Variants in GFRA2 observed in about 807,000 individuals in gnomAD.
The protein encoded by GFRA2 is GDNF family receptor alpha-2.
GFRA2 carries 17 observed loss-of-function variants against 48.3 expected under a neutral mutation model. The observed-to-expected ratio is 0.35, with a 90% CI of 0.24 to 0.53. GFRA2 has a LOEUF of 0.53. Among genes scored for constraint, GFRA2 ranks in the 20% least tolerant of loss-of-function variants. GFRA2 has a pLI of 0.93. For synonymous variants in GFRA2, 305 were observed against 257.2 expected (o/e 1.19, Z -1.78); for missense variants, 660 against 637.3 (o/e 1.04, Z -0.38).
chr8:21,693,340 T>C lies in GFRA2; in HGVS notation c.1333A>G (p.Arg445Gly), dbSNP rs987874366. Residue 445 changes from arginine (R) to glycine (G), a missense_variant, in exon 9 of 9, where the codon AGA becomes GGA. Physicochemically the swap from Arg to Gly is moderately radical, Grantham distance 125. Coordinates refer to ENST00000524240, the MANE Select transcript of GFRA2 (RefSeq NM_001495.5). Reference sequence around the variant, plus strand: ...GTCAAGGCAGCCGACGGTCTGGCTCTGCTGGGGCCTGAGTTAGGTTTGATC... The same window carrying C: ...GTCAAGGCAGCCGACGGTCTGGCTCCGCTGGGGCCTGAGTTAGGTTTGATC... ...KVIKPNSGPS[R>G]ARPSAALTVL... The C allele has an allele frequency of 1.9e-6, 3 of 1,613,460 alleles. No homozygotes were observed. The highest frequency in any genetic ancestry group is 2.5e-6 in the Non-Finnish European group (3 of 1,179,706).
intron 5 of GFRA2, 24 bp from the exon 6 acceptor site, chr8:21,705,149 A>T: frequency 6.3e-7 from 1 of 1,597,598 alleles, no homozygotes; most frequent in South Asian, 1.1e-5. Context: ...AAGGTGGGGG[A>T]GAGGAGAGAG....
At chr8:21,704,226 C>T (rs553544694) in intron 6 of GFRA2, among the ~76,000 whole-genome samples, 62 of 152,240 alleles carry the variant, frequency 4.1e-4, no homozygotes, top group Non-Finnish European at 6.9e-4. Context: ...GCCCAGCTAA[C>T]CATCCACAGA....
At chr8:21,712,339 C>T (rs1344907244) in intron 4 of GFRA2, among the ~76,000 whole-genome samples, 4 of 151,318 alleles carry the variant, frequency 2.6e-5, no homozygotes, top group East Asian at 1.9e-4. Context: ...GGGTCGCGGC[C>T]GGGCAGAGGC....
rs548285652 is a variant in GFRA2 at position 21,712,387 on chromosome 8, G to A, written c.795-6346C>T. ...CCAGACGGGGCGGCGGGGCAGAGGC[G>A]CTCCCCACATCTCAGACGATGGGCG... On this transcript the variant is annotated intron_variant, in intron 4 of 8. Coordinates refer to ENST00000524240, the MANE Select transcript of GFRA2 (RefSeq NM_001495.5). Among the ~76,000 whole-genome samples the A allele has an allele frequency of 9.2e-5, 14 of 151,570 alleles. No individual in the cohort carries two copies. In the South Asian group the frequency reaches 1.9e-3, roughly 20 times the overall value.
chr8:21,777,196 C>T (rs1806748154), intron 2 of GFRA2, among the ~76,000 whole-genome samples: 2 of 152,220 alleles, frequency 1.3e-5, no homozygotes, highest in African/African-American at 4.8e-5. Context: ...AGCCCAAGTG[C>T]TTCACTGCTG....
At chr8:21,711,395 G>A (rs1297853636) in intron 4 of GFRA2, among the ~76,000 whole-genome samples, 1 of 152,184 alleles carries the variant, frequency 6.6e-6, no homozygotes, top group Non-Finnish European at 1.5e-5. Flanking sequence ...GTCCATCTCG[G>A]CTGAGACCAA....
intron 4 of GFRA2, among the ~76,000 whole-genome samples, chr8:21,710,949 C>A (rs887039684): frequency 1.3e-5 from 2 of 152,196 alleles, no homozygotes; most frequent in Admixed American, 6.5e-5. Flanking sequence ...TTTCTCTCTG[C>A]CCCTCCACGT....
chr8:21,788,455 G>C lies in GFRA2; in HGVS notation c.-296C>G. 8.7e-7 allele frequency: 1 copy of C among 1,149,372 alleles called. No individual in the cohort carries two copies. The highest frequency in any genetic ancestry group is 1.1e-6 in the Non-Finnish European group (1 of 935,964). The allele number at this position is 1,149,372 out of a possible 1,614,324, so 71.2% of individuals were successfully genotyped here. The stretch of plus-strand genomic sequence containing the variant: ...TCTAAGCCAACAGCCCAGTCCTGGG[G>C]TCAGCCCTCCCCTCCAATCGTCCGG... On this transcript the variant is annotated 5_prime_UTR_variant, in exon 1 of 9. Coordinates refer to ENST00000524240, the MANE Select transcript of GFRA2 (RefSeq NM_001495.5).
rs540817695 is a variant in GFRA2 at position 21,706,662 on chromosome 8, C to T, written c.795-621G>A. Among the ~76,000 whole-genome samples, 3 of 152,284 alleles carry T rather than the reference C, an allele frequency of 2.0e-5. No individual in the cohort carries two copies. The East Asian group carries it at 5.8e-4, about 30-fold the overall frequency. Reference sequence around the variant, plus strand: ...CATCCCTCCACCCCTACCCTAGTCCCACCAGGCAGAAGCGGCCTTCCCTTC... The same window carrying T: ...CATCCCTCCACCCCTACCCTAGTCCTACCAGGCAGAAGCGGCCTTCCCTTC... On this transcript the variant is annotated intron_variant, in intron 4 of 8. Transcript: ENST00000524240.
At chr8:21,751,271 T>C (rs1805281028) in intron 3 of GFRA2, among the ~76,000 whole-genome samples, 1 of 152,106 alleles carries the variant, frequency 6.6e-6, no homozygotes, top group Non-Finnish European at 1.5e-5. Context: ...TATGGCCCTG[T>C]TTACAAATAT....
chr8:21,706,074 C>A, intron 4 of GFRA2, 33 bp from the exon 5 acceptor site: 1 of 1,382,082 alleles, frequency 7.2e-7, no homozygotes, highest in Non-Finnish European at 1.0e-6. Context: ...ATAGAGAAAA[C>A]AGGGGTTCAG....
In GFRA2 at chr8:21,755,067, G is replaced by A. The variant is rs1268925455; in HGVS notation, c.440-4125C>T. Among the ~76,000 whole-genome samples, 6 of 152,082 alleles carry A rather than the reference G, an allele frequency of 3.9e-5. No homozygotes were observed. In the South Asian group the frequency reaches 8.3e-4, roughly 21 times the overall value. On this transcript the variant is annotated intron_variant, in intron 3 of 8. Transcript: ENST00000524240. ...TGGCTGCCAGGAGTCAGTGGGGAGT[G>A]GGGGAGGAAGACGCAGAGCATGGAG...
At chr8:21,785,366 C>G (rs1668582646) in intron 1 of GFRA2, among the ~76,000 whole-genome samples, 1 of 152,182 alleles carries the variant, frequency 6.6e-6, no homozygotes, top group Non-Finnish European at 1.5e-5. Flanking sequence ...ACCAAACCAT[C>G]CTTGACTCTT....
At position 21,758,951 on chromosome 8, in the gene GFRA2, C is replaced by T. The variant is rs143832186; in HGVS notation, c.440-8009G>A. Among the ~76,000 whole-genome samples the T allele has an allele frequency of 3.5e-3, 529 of 152,292 alleles. 2 individuals carry two copies. The highest frequency in any genetic ancestry group is 0.012 in the African/African-American group (515 of 41,558). ...ACCTCTCCAGGAGCAGAACCGGAGT[C>T]CCTGCATTAGTAGCCAGTCAACAAA... On this transcript the variant is annotated intron_variant, in intron 3 of 8. Transcript: ENST00000524240.
chr8:21,692,265 T>C lies in GFRA2; in HGVS notation c.*1013A>G, dbSNP rs1801911234. The C allele has an allele frequency of 6.6e-6, 1 of 152,136 alleles. No individual in the cohort carries two copies. The highest frequency in any genetic ancestry group is 2.4e-5 in the African/African-American group (1 of 41,350). 9.4% of individuals were successfully genotyped at this position (152,136 alleles called of 1,614,324 possible). On this transcript the variant is annotated 3_prime_UTR_variant, in exon 9 of 9. Transcript: ENST00000524240. ...GAAAGGGGAAACCACACAATATATG[T>C]ATATGGATGTGTATATACATATATG...
At chr8:21,763,168 C>G (rs1186821943) in intron 3 of GFRA2, among the ~76,000 whole-genome samples, 2 of 152,116 alleles carry the variant, frequency 1.3e-5, no homozygotes, top group African/African-American at 4.8e-5. Context: ...CCATGAAAAC[C>G]ATTAAATGTG....
intron 4 of GFRA2, among the ~76,000 whole-genome samples, chr8:21,727,533 T>C (rs1202262392): frequency 1.3e-5 from 2 of 152,068 alleles, no homozygotes; most frequent in Non-Finnish European, 2.9e-5. Context: ...CACCTCCCCA[T>C]CACGGCCCCC....
chr8:21,737,240 G>T (rs750007456), intron 4 of GFRA2, among the ~76,000 whole-genome samples: 1 of 152,016 alleles, frequency 6.6e-6, no homozygotes, highest in East Asian at 1.9e-4. Flanking sequence ...TTGGTAGCGC[G>T]TGCCTATAGT....
At chr8:21,725,395 T>A (rs73669528) in intron 4 of GFRA2, among the ~76,000 whole-genome samples, 247 of 152,290 alleles carry the variant, frequency 1.6e-3, no homozygotes, top group African/African-American at 5.6e-3. Flanking sequence ...AGAAGCCCAG[T>A]GAATGCCCAG....
Sources: gnomAD v4.1 joint callset for allele counts (sites outside exome capture counted in the v4.1 genomes callset) on GRCh38, gnomAD v4.1.1 for gene constraint, MANE v1.5 for transcripts, NCBI Gene and HGNC (gene_info 2026-07-23, HGNC 2026-07-21) for gene names.